Variants in HIVEP3 observed in about 807,000 individuals in gnomAD.
HIVEP3 encodes the protein HIVEP zinc finger 3.
In HIVEP3, 49 loss-of-function variants were observed where a neutral mutation model predicts 152.8. The observed-to-expected ratio is 0.32, with a 90% CI of 0.26 to 0.41. The LOEUF is 0.41. Among genes scored for constraint, HIVEP3 ranks in the 10% least tolerant of loss-of-function variants. The pLI is 1.00. For synonymous variants in HIVEP3, 1,269 were observed against 1,289.0 expected (o/e 0.98, Z 0.33); for missense variants, 2,790 against 3,103.3 (o/e 0.90, Z 2.40).
intron 1 of HIVEP3, among the ~76,000 whole-genome samples, chr1:41,999,130 A>C (rs1319157243): frequency 4.6e-5 from 7 of 151,618 alleles, no homozygotes; most frequent in Non-Finnish European, 1.0e-4. Flanking sequence ...TCTTGACCTC[A>C]TGATCCACCT....
intron 1 of HIVEP3, among the ~76,000 whole-genome samples, chr1:41,838,851 G>A (rs141179807): frequency 1.7e-3 from 260 of 152,292 alleles, no homozygotes; most frequent in African/African-American, 5.8e-3. Context: ...ACGAATCTCA[G>A]TCAGTCTGCG....
At chr1:41,700,827 G>A in intron 2 of HIVEP3, 89 bp downstream of exon 2, 2 of 497,042 alleles carry the variant, frequency 4.0e-6, no homozygotes, top group Non-Finnish European at 5.2e-6. Context: ...GGTCATTCCT[G>A]TCTACCTCCT....
At chr1:41,853,415 CA>C (rs1431232271) in intron 1 of HIVEP3, among the ~76,000 whole-genome samples, 1 of 152,162 alleles carries the variant, frequency 6.6e-6, no homozygotes, top group Non-Finnish European at 1.5e-5. Flanking sequence ...ACCCTCTTCA[CA>C]AGGTGGCAGG....
chr1:41,948,879 C>A (rs908027795), intron 1 of HIVEP3, among the ~76,000 whole-genome samples: 11 of 152,088 alleles, frequency 7.2e-5, no homozygotes, highest in Admixed American at 3.9e-4. Flanking sequence ...TGCCAAAAAA[C>A]CCCCTGCACT....
chr1:41,513,190 G>A lies in HIVEP3; in HGVS notation c.6031C>T (p.Pro2011Ser). 2 of 1,613,910 alleles carry A rather than the reference G, an allele frequency of 1.2e-6. No individual in the cohort carries two copies. The highest frequency in any genetic ancestry group is 1.7e-6 in the Non-Finnish European group (2 of 1,180,018). Residue 2011 changes from proline to serine, a missense_variant, in exon 8 of 9, where the codon CCT becomes TCT. By Grantham distance (74) the Pro-to-Ser change is moderately conservative. Transcript: ENST00000372583. ...REPQASAPSP[P>S]GLHVDPGRGM... Reference sequence around the variant, plus strand: ...CTTCCTGGGTCCACGTGCAGGCCAGGTGGGCTTGGGGCTGAGGCCTGTGGT... The same window carrying A: ...CTTCCTGGGTCCACGTGCAGGCCAGATGGGCTTGGGGCTGAGGCCTGTGGT...
At chr1:41,889,938 T>C (rs1218884936) in intron 1 of HIVEP3, among the ~76,000 whole-genome samples, 2 of 152,218 alleles carry the variant, frequency 1.3e-5, no homozygotes, top group African/African-American at 2.4e-5. Context: ...AATAATAGTT[T>C]AACCATAATA....
chr1:41,932,985 T>G (rs550034034), intron 1 of HIVEP3, among the ~76,000 whole-genome samples: 52 of 152,072 alleles, frequency 3.4e-4, no homozygotes, highest in African/African-American at 1.3e-3. Context: ...GATTTTCCAC[T>G]TATATTTCTA....
intron 1 of HIVEP3, among the ~76,000 whole-genome samples, chr1:41,824,766 TATATATATATATATATATA>T (rs1642718592): frequency 3.5e-5 from 1 of 28,470 alleles, no homozygotes; most frequent in Non-Finnish European, 7.6e-5. Context: ...TATATATATA[TATATATATATATATATATA>T]GAGAGAGAGA....
In HIVEP3 at chr1:41,533,705, C is replaced by T. The variant is rs1027760969; in HGVS notation, c.5208-8795G>A. The stretch of plus-strand genomic sequence containing the variant: ...CTTTTTTGCCCACCCTTTCCCATGC[C>T]GACATGGCCCCTGCCAGCCTCCGAC... On this transcript the variant is annotated intron_variant, in intron 5 of 8. Coordinates refer to ENST00000372583, the MANE Select transcript of HIVEP3 (RefSeq NM_024503.5). The surrounding 1 kb of genome is among the most constrained non-coding windows in gnomAD (Gnocchi z 4.3). Among the ~76,000 whole-genome samples, 6 of 151,892 alleles carry T rather than the reference C, an allele frequency of 4.0e-5. No homozygotes were observed. Among genetic ancestry groups the T allele is most frequent in the African/African-American group, 1.5e-4 (6 of 41,348 alleles).
At chr1:41,523,144 T>C (rs1642807987) in intron 6 of HIVEP3, among the ~76,000 whole-genome samples, 1 of 152,216 alleles carries the variant, frequency 6.6e-6, no homozygotes, top group Admixed American at 6.5e-5. Flanking sequence ...CAGTCAGTTA[T>C]CCCCGTCTTG....
intron 1 of HIVEP3, among the ~76,000 whole-genome samples, chr1:41,782,431 T>G (rs542469940): frequency 6.6e-6 from 1 of 152,158 alleles, no homozygotes; most frequent in South Asian, 2.1e-4. Flanking sequence ...CTGTAATGTA[T>G]GCTTAAAAAT....
chr1:41,653,259 T>C (rs1440163010), intron 2 of HIVEP3, among the ~76,000 whole-genome samples: 1 of 151,872 alleles, frequency 6.6e-6, no homozygotes, highest in Non-Finnish European at 1.5e-5. Context: ...ATATAACATA[T>C]ATATATATTT....
intron 2 of HIVEP3, among the ~76,000 whole-genome samples, chr1:41,651,135 C>T (rs976984157): frequency 2.0e-5 from 3 of 152,074 alleles, no homozygotes; most frequent in Admixed American, 1.3e-4. Context: ...TCCAGCTGGG[C>T]GCAGTAGCTC....
chr1:41,868,621 T>C (rs1005747010), intron 1 of HIVEP3, among the ~76,000 whole-genome samples: 5 of 152,252 alleles, frequency 3.3e-5, no homozygotes, highest in Admixed American at 1.3e-4. Context: ...AACGATTGCT[T>C]TATGGTTTAG....
chr1:41,714,303 G>C (rs906636314), intron 1 of HIVEP3, among the ~76,000 whole-genome samples: 15 of 152,208 alleles, frequency 9.9e-5, no homozygotes, highest in African/African-American at 3.6e-4. Flanking sequence ...AAGAGGAGAA[G>C]AAGTGGAGGA....
intron 5 of HIVEP3, among the ~76,000 whole-genome samples, chr1:41,539,244 C>CT (rs1410012663): frequency 6.6e-6 from 1 of 152,140 alleles, no homozygotes; most frequent in Non-Finnish European, 1.5e-5. Flanking sequence ...CCAGCAGCTC[C>CT]TGCGACTTCT....
At chr1:41,830,277 AG>A (rs1351539799) in intron 1 of HIVEP3, among the ~76,000 whole-genome samples, 1 of 131,756 alleles carries the variant, frequency 7.6e-6, no homozygotes, top group Non-Finnish European at 1.7e-5. Context: ...CCATCCCATA[AG>A]TTGGAAGTCA....
At chr1:41,862,143 C>T (rs582123) in intron 1 of HIVEP3, among the ~76,000 whole-genome samples, 59,637 of 151,982 alleles carry the variant, frequency 0.39, 12,083 homozygotes, top group African/African-American at 0.49. Flanking sequence ...GTGGCACTGA[C>T]TGGAAGCACG....
At chr1:41,892,337 C>T (rs746791938) in intron 1 of HIVEP3, among the ~76,000 whole-genome samples, 9 of 152,172 alleles carry the variant, frequency 5.9e-5, no homozygotes, top group Non-Finnish European at 1.3e-4. Flanking sequence ...AGACACTGAG[C>T]GGCTGGTCAA....
Sources: allele counts gnomAD v4.1 joint callset (sites outside exome capture counted in the v4.1 genomes callset), GRCh38; gene constraint gnomAD v4.1.1; non-coding constraint Gnocchi (gnomAD v3.1); transcripts MANE v1.5; gene names NCBI Gene and HGNC (gene_info 2026-07-23, HGNC 2026-07-21).